TRPS1: variants seen among roughly 807,000 people sequenced by gnomAD.
TRPS1 encodes transcriptional repressor GATA binding 1, also known as zinc finger transcription factor Trps1.
In TRPS1, 6 loss-of-function variants were observed where a neutral mutation model predicts 101.2. The observed-to-expected ratio is 0.06, with a 90% CI of 0.03 to 0.12. The LOEUF (loss-of-function observed/expected upper bound fraction) is 0.12, where lower values mean the gene tolerates loss of function less well. Ranked by LOEUF, TRPS1 falls within the 10% of genes least tolerant of loss-of-function variation. The probability of loss-of-function intolerance (pLI) is 1.00; values close to 1 mark genes in which losing one functional copy is unlikely to be tolerated. For synonymous variants in TRPS1, 578 were observed against 589.8 expected (o/e 0.98, Z 0.29); for missense variants, 1,363 against 1,567.0 (o/e 0.87, Z 2.20).
chr8:115,414,617 G>T lies in TRPS1; in HGVS notation c.3291C>A (p.Gly1097=). 6.2e-7 allele frequency: 1 copy of T among 1,614,036 alleles called. No individual in the cohort carries two copies. Among genetic ancestry groups the T allele is most frequent in the East Asian group, 2.2e-5 (1 of 44,864 alleles). Residue 1097 remains glycine (G), a synonymous_variant, in exon 7 of 7, where the codon GGC becomes GGA. Transcript: ENST00000395715. The surrounding 1 kb of genome is among the most constrained non-coding windows in gnomAD (Gnocchi z 4.8). ...GGTACTGGTACTTTTCAATAGGGCT[G>T]CCTGGTGGTGAATAATTTGGGTGTT... is the stretch of plus-strand genomic sequence containing the variant. The part of the protein sequence containing the change: ...PAKHPNYSPP[G]SPIEKYQYPL...
At chr8:115,550,709 A>G (rs1816683819) in intron 5 of TRPS1, among the ~76,000 whole-genome samples, 1 of 152,150 alleles carries the variant, frequency 6.6e-6, no homozygotes, top group Non-Finnish European at 1.5e-5. Context: ...AGGTTGTTCT[A>G]TTTGACTTCT....
intron 4 of TRPS1, among the ~76,000 whole-genome samples, chr8:115,598,519 G>A (rs186382317): frequency 2.4e-4 from 37 of 152,122 alleles, no homozygotes; most frequent in Non-Finnish European, 4.6e-4. Context: ...TTGGTATGCT[G>A]CCCAGGCTGA....
intron 5 of TRPS1, among the ~76,000 whole-genome samples, chr8:115,448,139 A>T (rs1813783142): frequency 6.6e-6 from 1 of 152,210 alleles, no homozygotes; most frequent in Non-Finnish European, 1.5e-5. Context: ...AACACTTGTG[A>T]GTATTATCTT....
intron 1 of TRPS1, among the ~76,000 whole-genome samples, chr8:115,665,866 G>C (rs1811909588): frequency 6.6e-6 from 1 of 152,074 alleles, no homozygotes. Flanking sequence ...CCACTTATTT[G>C]AAAAGTGTTA....
intron 5 of TRPS1, among the ~76,000 whole-genome samples, chr8:115,564,294 T>C (rs1563606801): frequency 6.6e-6 from 1 of 152,116 alleles, no homozygotes. Context: ...CACAGGGTAT[T>C]TTTTAACCCT....
At chr8:115,469,575 T>A (rs1373009769) in intron 5 of TRPS1, among the ~76,000 whole-genome samples, 1 of 152,140 alleles carries the variant, frequency 6.6e-6, no homozygotes, top group Non-Finnish European at 1.5e-5. Flanking sequence ...CCCAGCTCAC[T>A]GCAACTTCCA....
intron 5 of TRPS1, among the ~76,000 whole-genome samples, chr8:115,447,363 G>T (rs569208787): frequency 7.9e-5 from 12 of 152,280 alleles, no homozygotes; most frequent in African/African-American, 2.9e-4. Flanking sequence ...AATTCAGACA[G>T]ATTTTCCACC....
chr8:115,469,488 A>C (rs1350210723), intron 5 of TRPS1, among the ~76,000 whole-genome samples: 1 of 152,066 alleles, frequency 6.6e-6, no homozygotes, highest in Non-Finnish European at 1.5e-5. Context: ...AATGGGCTAC[A>C]GTCAGGTTTT....
At chr8:115,492,324 G>C in intron 5 of TRPS1, 3 of 450,036 alleles carry the variant, frequency 6.7e-6, no homozygotes, top group South Asian at 4.7e-5. Flanking sequence ...GAGTTAATTA[G>C]AGAGGCAGAT....
chr8:115,413,888 AAAG>A lies in TRPS1; in HGVS notation c.*132_*134del. 1.2e-6 allele frequency: 1 copy of A among 864,618 alleles called. No individual in the cohort carries two copies. Among genetic ancestry groups the A allele is most frequent in the Non-Finnish European group, 1.8e-6 (1 of 571,054 alleles). 53.6% of individuals were successfully genotyped at this position (864,618 alleles called of 1,614,324 possible). A position where few individuals can be genotyped will look rare whatever the true frequency, so the allele number is the denominator to read the frequency against. ...CTACTCATCAAAAGAAAGAATAACA[AAAG>A]AAGGGAATTTCATGTTGGATAAGGC... On this transcript the variant is annotated 3_prime_UTR_variant, in exon 7 of 7. Transcript: ENST00000395715.
chr8:115,490,091 T>C (rs1814984134), intron 5 of TRPS1, among the ~76,000 whole-genome samples: 1 of 152,144 alleles, frequency 6.6e-6, no homozygotes, highest in Non-Finnish European at 1.5e-5. Flanking sequence ...ACAATTGTAT[T>C]TTTATAATAG....
At chr8:115,640,657 G>C (rs1192838885) in intron 1 of TRPS1, among the ~76,000 whole-genome samples, 1 of 152,202 alleles carries the variant, frequency 6.6e-6, no homozygotes, top group Non-Finnish European at 1.5e-5. Context: ...ACCAATGCCT[G>C]TATCCAGTAT....
At chr8:115,648,904 ATACTCC>A (rs1333293023) in intron 1 of TRPS1, among the ~76,000 whole-genome samples, 3 of 152,092 alleles carry the variant, frequency 2.0e-5, no homozygotes, top group Non-Finnish European at 4.4e-5. Flanking sequence ...AAAGCTGTCA[ATACTCC>A]ATGTGGAGCA....
intron 5 of TRPS1, among the ~76,000 whole-genome samples, chr8:115,425,755 AT>A (rs1316743856): frequency 6.6e-6 from 1 of 152,238 alleles, no homozygotes; most frequent in Non-Finnish European, 1.5e-5. Context: ...TCACACAGAT[AT>A]AAAACCTATT....
At chr8:115,509,701 T>C (rs1372861136) in intron 5 of TRPS1, 2 of 152,058 alleles carry the variant, frequency 1.3e-5, no homozygotes, top group African/African-American at 2.4e-5. Flanking sequence ...AGGAACCCAT[T>C]GACGTCCTAG....
chr8:115,445,834 A>T (rs1187265226), intron 5 of TRPS1, among the ~76,000 whole-genome samples: 2 of 152,214 alleles, frequency 1.3e-5, no homozygotes, highest in African/African-American at 4.8e-5. Flanking sequence ...ATGTAAAAAA[A>T]CTTACCTATA....
chr8:115,555,869 A>AAACAAAC (rs758972119), intron 5 of TRPS1, among the ~76,000 whole-genome samples: 32 of 24,436 alleles, frequency 1.3e-3, no homozygotes, highest in African/African-American at 4.5e-3. Context: ...ACAAACAAAC[A>AAACAAAC]AAAAAAAAAG....
intron 5 of TRPS1, among the ~76,000 whole-genome samples, chr8:115,502,987 C>T (rs898187807): frequency 3.3e-5 from 5 of 152,162 alleles, no homozygotes; most frequent in South Asian, 4.2e-4. Context: ...ACTTAGGCTG[C>T]GTGTGGTGGC....
chr8:115,544,095 T>C (rs1314787279), intron 5 of TRPS1, among the ~76,000 whole-genome samples: 3 of 150,832 alleles, frequency 2.0e-5, no homozygotes, highest in South Asian at 2.1e-4. Context: ...AAGAGAATAA[T>C]TTCAAACCTG....
Sources: allele counts gnomAD v4.1 joint callset (sites outside exome capture counted in the v4.1 genomes callset), GRCh38; gene constraint gnomAD v4.1.1; non-coding constraint Gnocchi (gnomAD v3.1); transcripts MANE v1.5; gene names NCBI Gene and HGNC (gene_info 2026-07-23, HGNC 2026-07-21).